ARHGAP24: variants seen among roughly 807,000 people sequenced by gnomAD.
ARHGAP24 encodes Rho GTPase activating protein 24.
A neutral mutation model predicts 76.4 loss-of-function variants in ARHGAP24; 50 were observed. The ratio of observed to expected loss-of-function variants is 0.65; its 90% CI spans 0.52 to 0.83. The LOEUF (loss-of-function observed/expected upper bound fraction) is 0.83, where lower values mean the gene tolerates loss of function less well. ARHGAP24 is among the 40% of genes least tolerant of loss of function. ARHGAP24 has a pLI of 0.00. For synonymous variants in ARHGAP24, 345 were observed against 323.3 expected (o/e 1.07, Z -0.72); for missense variants, 930 against 914.2 (o/e 1.02, Z -0.22).
chr4:85,767,638 C>T, intron 3 of ARHGAP24, among the ~76,000 whole-genome samples: 1 of 121,420 alleles, frequency 8.2e-6, no homozygotes, highest in East Asian at 2.4e-4. Flanking sequence ...TATAGATTAC[C>T]CCAAAGGGGC....
intron 1 of ARHGAP24, among the ~76,000 whole-genome samples, chr4:85,534,956 G>GAAACAA (rs1303097986): frequency 2.0e-5 from 3 of 147,938 alleles, no homozygotes; most frequent in Non-Finnish European, 3.0e-5. Flanking sequence ...AAAGAAAACA[G>GAAACAA]AAACAAAAAC....
At chr4:85,583,106 T>G (rs1199624364) in intron 2 of ARHGAP24, among the ~76,000 whole-genome samples, 1 of 152,178 alleles carries the variant, frequency 6.6e-6, no homozygotes, top group East Asian at 1.9e-4. Context: ...TCTAGTAAAA[T>G]GCATTAGCAA....
chr4:85,663,734 G>T (rs991943856), intron 2 of ARHGAP24, among the ~76,000 whole-genome samples: 13 of 151,980 alleles, frequency 8.6e-5, no homozygotes, highest in Non-Finnish European at 1.5e-4. Flanking sequence ...ATGAAGGGTT[G>T]TTGAATTTTG....
chr4:85,967,505 T>C (rs1394656205), intron 5 of ARHGAP24, among the ~76,000 whole-genome samples: 4 of 152,028 alleles, frequency 2.6e-5, no homozygotes, highest in Admixed American at 6.6e-5. Flanking sequence ...AAAAAAGCAA[T>C]AACCAGGAGG....
At chr4:85,856,916 T>TA (rs1401523430) in intron 3 of ARHGAP24, among the ~76,000 whole-genome samples, 12 of 152,222 alleles carry the variant, frequency 7.9e-5, no homozygotes, top group Admixed American at 7.9e-4. Flanking sequence ...TATGACCTTA[T>TA]ACTGTTTTTG....
At chr4:85,521,326 A>G (rs917026754) in intron 1 of ARHGAP24, among the ~76,000 whole-genome samples, 1 of 113,862 alleles carries the variant, frequency 8.8e-6, no homozygotes, top group Non-Finnish European at 2.0e-5. Context: ...GGAGGCACTG[A>G]AAGTTACATA....
chr4:85,856,471 C>CTTTTTTTT (rs3029091), intron 3 of ARHGAP24, among the ~76,000 whole-genome samples: 10 of 128,548 alleles, frequency 7.8e-5, no homozygotes, highest in Non-Finnish European at 1.4e-4. Flanking sequence ...GGAAATTACT[C>CTTTTTTTT]TTTTTTTTTT....
intron 8 of ARHGAP24, among the ~76,000 whole-genome samples, chr4:85,982,062 T>C (rs1361029509): frequency 6.6e-6 from 1 of 151,754 alleles, no homozygotes; most frequent in African/African-American, 2.4e-5. Flanking sequence ...GGAGATACCC[T>C]GTCAGCTAGT....
chr4:85,894,986 AAAC>A (rs1447143502), intron 3 of ARHGAP24, among the ~76,000 whole-genome samples: 403 of 15,238 alleles, frequency 0.026, 14 homozygotes, highest in East Asian at 0.079. Flanking sequence ...AAAAAAAAAA[AAAC>A]AAAACAAAAA....
At chr4:85,549,276 A>T (rs1726035715) in intron 1 of ARHGAP24, among the ~76,000 whole-genome samples, 1 of 93,460 alleles carries the variant, frequency 1.1e-5, no homozygotes, top group Admixed American at 1.0e-4. Context: ...CACCAGCAAT[A>T]TATGAACATT....
intron 3 of ARHGAP24, among the ~76,000 whole-genome samples, chr4:85,907,885 G>C (rs544633902): frequency 1.3e-5 from 2 of 152,278 alleles, no homozygotes; most frequent in African/African-American, 4.8e-5. Flanking sequence ...TTACTTGCAA[G>C]CAGTGAGCCT....
At chr4:85,559,339 TACAC>T (rs1726507701) in intron 1 of ARHGAP24, among the ~76,000 whole-genome samples, 1 of 152,228 alleles carries the variant, frequency 6.6e-6, no homozygotes, top group Non-Finnish European at 1.5e-5. Context: ...TGTTTGGAAA[TACAC>T]ATACATTCTG....
chr4:85,759,942 C>T (rs1441388353), intron 3 of ARHGAP24, among the ~76,000 whole-genome samples: 2 of 151,758 alleles, frequency 1.3e-5, no homozygotes, highest in Non-Finnish European at 2.9e-5. Context: ...GACAAGAGGA[C>T]TTAAAGATGG....
chr4:85,953,037 G>T (rs571744424), intron 5 of ARHGAP24, among the ~76,000 whole-genome samples: 2 of 152,276 alleles, frequency 1.3e-5, no homozygotes, highest in African/African-American at 4.8e-5. Context: ...TGTTCAAGAA[G>T]ATACATTTTG....
intron 3 of ARHGAP24, among the ~76,000 whole-genome samples, chr4:85,788,711 A>C (rs1391928526): frequency 6.6e-6 from 1 of 152,224 alleles, no homozygotes; most frequent in Non-Finnish European, 1.5e-5. Context: ...GACACAAAGC[A>C]AATGCAGAAA....
rs1485363078 is a variant in ARHGAP24, at chr4:85,749,181, T to C, written c.268+27209T>C. 2.0e-5 allele frequency among the ~76,000 whole-genome samples: 3 copies of C among 152,224 alleles called. No homozygotes were observed. The East Asian group carries it at 5.8e-4, about 29-fold the overall frequency. On this transcript the variant is annotated intron_variant, in intron 3 of 9. Transcript: ENST00000395184. ...ACAAATCTAATATGTTGTCTTTTTC[T>C]CATTTGCCGAAGGTAGATTCTAGGA...
At chr4:85,901,751 T>C (rs1026086075) in intron 3 of ARHGAP24, among the ~76,000 whole-genome samples, 3 of 152,224 alleles carry the variant, frequency 2.0e-5, no homozygotes, top group African/African-American at 4.8e-5. Context: ...TAAATATTTA[T>C]TGTAGCTTTA....
At chr4:85,813,686 CAAAG>C (rs1169806385) in intron 3 of ARHGAP24, among the ~76,000 whole-genome samples, 2 of 151,144 alleles carry the variant, frequency 1.3e-5, no homozygotes, top group African/African-American at 4.9e-5. Context: ...GTATAATTGA[CAAAG>C]AAAGATTGTC....
At chr4:85,626,209 T>C (rs1490917095) in intron 2 of ARHGAP24, among the ~76,000 whole-genome samples, 2 of 152,200 alleles carry the variant, frequency 1.3e-5, no homozygotes, top group African/African-American at 4.8e-5. Context: ...TGGCTGTTAC[T>C]GGTTTTTCCT....
Sources: allele counts gnomAD v4.1 joint callset (sites outside exome capture counted in the v4.1 genomes callset), GRCh38; gene constraint gnomAD v4.1.1; transcripts MANE v1.5; gene names NCBI Gene and HGNC (gene_info 2026-07-23, HGNC 2026-07-21).